MID2: variants seen among roughly 807,000 people sequenced by gnomAD.
MID2 encodes midline 2.
Under a neutral mutation model 46.1 loss-of-function variants are expected in MID2, and 13 were observed. That is an observed-to-expected ratio of 0.28 (90% confidence interval 0.18 to 0.45). MID2 has a LOEUF of 0.45. Among genes scored for constraint, MID2 ranks in the 20% least tolerant of loss-of-function variants. The pLI, the probability that MID2 is intolerant of heterozygous loss-of-function variation, is 1.00. For synonymous variants in MID2, 199 were observed against 212.3 expected (o/e 0.94, Z 0.55); for missense variants, 431 against 575.4 (o/e 0.75, Z 2.57).
intron 3 of MID2, among the ~76,000 whole-genome samples, chrX:107,863,081 T>C (rs1408777049): frequency 8.9e-6 from 1 of 112,180 alleles, no homozygotes; most frequent in African/African-American, 3.2e-5. Flanking sequence ...CTAAGTTAAC[T>C]GTGCAATCCA....
At chrX:107,896,106 G>A (rs747780307) in intron 3 of MID2, 2 of 111,933 alleles carry the variant, frequency 1.8e-5, no homozygotes, top group South Asian at 7.5e-4. Context: ...AGCACTTTAG[G>A]AGGCCGAAGG....
At chrX:107,900,339 G>A (rs757369166) in intron 3 of MID2, among the ~76,000 whole-genome samples, 2 of 111,807 alleles carry the variant, frequency 1.8e-5, no homozygotes, top group African/African-American at 6.5e-5. Flanking sequence ...CTTTGTACCA[G>A]TTATAATGGG....
intron 3 of MID2, chrX:107,895,403 G>A (rs772124878): frequency 9.0e-6 from 1 of 111,575 alleles, no homozygotes; most frequent in Non-Finnish European, 1.9e-5. Context: ...TTTCTAGAAT[G>A]TTATGTAAAT....
Position 107,891,525 on chromosome X carries a change from C to T in MID2, c.817-12433C>T, listed in dbSNP as rs138989088. Among the ~76,000 whole-genome samples the T allele has an allele frequency of 7.8e-3, 866 of 111,338 alleles. 15 individuals carry two copies. Among genetic ancestry groups the T allele is most frequent in the African/African-American group, 0.027 (834 of 30,636 alleles). On this transcript the variant is annotated intron_variant, in intron 3 of 9. Transcript: ENST00000262843. ...TAAAACAGACCTCAAGTGATCTGCC[C>T]GCCTTAGCCTCCCAAAGTGCTGGGA...
chrX:107,907,865 C>T (rs925721592), intron 5 of MID2, among the ~76,000 whole-genome samples: 1 of 112,292 alleles, frequency 8.9e-6, no homozygotes, highest in East Asian at 2.8e-4. Flanking sequence ...AATGTCTGCT[C>T]TCTGATAATA....
At chrX:107,850,189 G>C (rs77178868) in intron 2 of MID2, among the ~76,000 whole-genome samples, 1 of 102,148 alleles carries the variant, frequency 9.8e-6, no homozygotes, top group Non-Finnish European at 2.0e-5. Flanking sequence ...CACACACACA[G>C]ACACACACAC....
At chrX:107,883,977 G>A (rs1282991834) in intron 3 of MID2, among the ~76,000 whole-genome samples, 2 of 112,507 alleles carry the variant, frequency 1.8e-5, no homozygotes, top group African/African-American at 6.4e-5. Flanking sequence ...GGACGACTTA[G>A]CCTTTTAGGT....
intron 3 of MID2, among the ~76,000 whole-genome samples, chrX:107,889,574 G>A (rs1179445561): frequency 2.7e-5 from 3 of 110,952 alleles, no homozygotes; most frequent in African/African-American, 9.9e-5. Flanking sequence ...TTTCAACTTT[G>A]GTGAATCTGA....
chrX:107,898,375 C>T (rs1932762722), intron 3 of MID2, among the ~76,000 whole-genome samples: 1 of 111,765 alleles, frequency 8.9e-6, no homozygotes, highest in Non-Finnish European at 1.9e-5. Flanking sequence ...TCATGTAATT[C>T]ATTCTGCCTA....
In MID2 at chrX:107,917,706, G is replaced by A. The variant is rs764570839; in HGVS notation, c.1402G>A (p.Val468Ile). Residue 468 changes from valine to isoleucine, a missense_variant, in exon 7 of 10, where the codon GTA becomes ATA. Coordinates refer to ENST00000262843, the MANE Select transcript of MID2 (RefSeq NM_012216.4). ...AGAGATAAGGAAATGTAAGGAAGCAGTAAGCTGCTCAAGATTGGCCGGGGC... is the reference window on the plus strand; with the variant it reads ...AGAGATAAGGAAATGTAAGGAAGCAATAAGCTGCTCAAGATTGGCCGGGGC... ...WPEIRKCKEA[V>I]SCSRLAGAPR... 2.5e-6 allele frequency: 3 copies of A among 1,212,258 alleles called. No homozygotes were observed. Among genetic ancestry groups the A allele is most frequent in the Non-Finnish European group, 3.3e-6 (3 of 895,555 alleles).
At chrX:107,850,998 G>A (rs1170572850) in intron 2 of MID2, among the ~76,000 whole-genome samples, 2 of 112,070 alleles carry the variant, frequency 1.8e-5, no homozygotes, top group Non-Finnish European at 3.8e-5. Context: ...TTCTAATATT[G>A]TATTTGCTTG....
In MID2 at chrX:107,926,935, A is replaced by G; in HGVS notation, c.2070A>G (p.Thr690=). 8.3e-7 allele frequency: 1 copy of G among 1,211,373 alleles called. No homozygotes were observed. Among genetic ancestry groups the G allele is most frequent in the Non-Finnish European group, 1.1e-6 (1 of 895,223 alleles). Residue 690 remains threonine, a synonymous_variant, in exon 10 of 10, where the codon ACA becomes ACG. Coordinates refer to ENST00000262843, the MANE Select transcript of MID2 (RefSeq NM_012216.4). ...DVTFILPVCP[T]FTIWNKSLMI... ...CCTTCATTCTTCCAGTTTGTCCAAC[A>G]TTTACAATCTGGAACAAATCCCTAA...
chrX:107,839,646 A>G (rs1412810719), intron 1 of MID2, among the ~76,000 whole-genome samples: 1 of 112,201 alleles, frequency 8.9e-6, no homozygotes, highest in Admixed American at 9.4e-5. Context: ...CTGGGATTAC[A>G]GGCGTGAGCC....
At chrX:107,890,299 G>A (rs748682710) in intron 3 of MID2, among the ~76,000 whole-genome samples, 1 of 112,077 alleles carries the variant, frequency 8.9e-6, no homozygotes, top group Non-Finnish European at 1.9e-5. Flanking sequence ...GGGTTTTGGT[G>A]TGGATGTCCT....
intron 2 of MID2, among the ~76,000 whole-genome samples, chrX:107,848,079 T>C (rs1488062737): frequency 1.8e-5 from 2 of 111,326 alleles, no homozygotes; most frequent in African/African-American, 3.3e-5. Context: ...GGCTGAAAGA[T>C]TGGGTCTGGA....
chrX:107,907,645 T>C (rs1181191858), intron 5 of MID2, among the ~76,000 whole-genome samples: 1 of 111,329 alleles, frequency 9.0e-6, no homozygotes, highest in Non-Finnish European at 1.9e-5. Flanking sequence ...CCCCATGACT[T>C]TCCTCTACTT....
At chrX:107,844,470 A>T (rs1376592736) in intron 2 of MID2, among the ~76,000 whole-genome samples, 1 of 111,722 alleles carries the variant, frequency 9.0e-6, no homozygotes, top group Admixed American at 9.5e-5. Flanking sequence ...TATATATCTT[A>T]GTTCATGATA....
At position 107,841,021 on chromosome X, in the gene MID2, A is replaced by G; in HGVS notation, c.356A>G (p.Glu119Gly). Residue 119 changes from glutamate to glycine, a missense_variant, in exon 2 of 10, where the codon GAG becomes GGG. Glu to Gly is a moderately conservative substitution (Grantham distance 98). Transcript: ENST00000262843. ...ASVSGPNSPS[E>G]SRRERTYRPT... ...GTCAGTGGGCCCAATTCCCCTAGTGAGAGCCGCCGGGAAAGGACTTACAGG... is the reference window on the plus strand; with the variant it reads ...GTCAGTGGGCCCAATTCCCCTAGTGGGAGCCGCCGGGAAAGGACTTACAGG... 8.3e-7 allele frequency: 1 copy of G among 1,211,402 alleles called. No homozygotes were observed. Among genetic ancestry groups the G allele is most frequent in the Non-Finnish European group, 1.1e-6 (1 of 895,366 alleles).
chrX:107,853,915 T>A (rs1419962431), intron 2 of MID2, among the ~76,000 whole-genome samples: 1 of 111,751 alleles, frequency 8.9e-6, no homozygotes, highest in African/African-American at 3.3e-5. Flanking sequence ...AGCTTGGTAC[T>A]CCCATTTGTA....
Sources: gnomAD v4.1 joint callset for allele counts (sites outside exome capture counted in the v4.1 genomes callset) on GRCh38, gnomAD v4.1.1 for gene constraint, MANE v1.5 for transcripts, NCBI Gene and HGNC (gene_info 2026-07-23, HGNC 2026-07-21) for gene names.